The following EFNA5 variants were observed in gnomAD, a reference collection of about 807,000 sequenced individuals.
EFNA5 encodes the protein ephrin A5, also known as ephrin-A5.
In EFNA5, 5 loss-of-function variants were observed where a neutral mutation model predicts 22.9. The ratio of observed to expected loss-of-function variants is 0.22; its 90% CI spans 0.11 to 0.46. The LOEUF is 0.46. Ranked by LOEUF, EFNA5 falls within the 20% of genes least tolerant of loss-of-function variation. The pLI is 0.99. For synonymous variants in EFNA5, 113 were observed against 112.2 expected, an observed-to-expected ratio of 1.01 and a Z score of -0.04; for missense variants, 237 against 293.3, an observed-to-expected ratio of 0.81 and a Z score of 1.40.
intron 4 of EFNA5, among the ~76,000 whole-genome samples, chr5:107,383,795 A>T (rs1747533771): frequency 6.6e-6 from 1 of 152,244 alleles, no homozygotes; most frequent in South Asian, 2.1e-4. Flanking sequence ...AGCACAAGAC[A>T]CAAGGAATAG....
intron 2 of EFNA5, among the ~76,000 whole-genome samples, chr5:107,396,098 T>C (rs531245476): frequency 6.6e-6 from 1 of 152,346 alleles, no homozygotes; most frequent in Admixed American, 6.5e-5. Context: ...TAATAAATCA[T>C]CAAGTTAATA....
chr5:107,665,122 A>C (rs1751039726), intron 1 of EFNA5, among the ~76,000 whole-genome samples: 1 of 152,100 alleles, frequency 6.6e-6, no homozygotes, highest in African/African-American at 2.4e-5. Flanking sequence ...CTCAAAGGTA[A>C]ATTTTCTGGC....
chr5:107,405,887 A>G (rs1299512397), intron 2 of EFNA5, among the ~76,000 whole-genome samples: 2 of 148,886 alleles, frequency 1.3e-5, no homozygotes, highest in South Asian at 2.2e-4. Context: ...ATTTGTATAC[A>G]TATTCTATGT....
At position 107,387,191 on chromosome 5, in the gene EFNA5, G is replaced by T. The variant is rs201440682; in HGVS notation, c.565+44C>A. The T allele has an allele frequency of 5.7e-4, 783 of 1,368,464 alleles. 3 individuals are homozygous for T. The highest frequency in any genetic ancestry group is 2.5e-3 in the Admixed American group (129 of 52,494). 84.8% of individuals were successfully genotyped at this position (1,368,464 alleles called of 1,614,324 possible). A position where few individuals can be genotyped will look rare whatever the true frequency, so the allele number is the denominator to read the frequency against. The stretch of plus-strand genomic sequence containing the variant: ...AGGAAAAAAATACGGAAGCACCAGA[G>T]AAATAGATGCATTTGTTAAAAGAGA... On this transcript the variant is annotated intron_variant, in intron 4 of 4. Transcript: ENST00000333274.
intron 1 of EFNA5, among the ~76,000 whole-genome samples, chr5:107,544,842 T>G (rs1487673213): frequency 6.6e-6 from 1 of 152,188 alleles, no homozygotes; most frequent in Non-Finnish European, 1.5e-5. Context: ...GCTATTTAAA[T>G]ATAAGCTGAA....
At chr5:107,401,215 T>A (rs1381037862) in intron 2 of EFNA5, among the ~76,000 whole-genome samples, 1 of 152,224 alleles carries the variant, frequency 6.6e-6, no homozygotes, top group African/African-American at 2.4e-5. Context: ...TAAGGAATCA[T>A]TTATATTTCT....
At chr5:107,518,028 C>T (rs1368900253) in intron 1 of EFNA5, among the ~76,000 whole-genome samples, 1 of 152,086 alleles carries the variant, frequency 6.6e-6, no homozygotes, top group Admixed American at 6.6e-5. Flanking sequence ...TTAATGAAGG[C>T]ACTGTAAACA....
intron 4 of EFNA5, among the ~76,000 whole-genome samples, chr5:107,383,879 G>A (rs563122870): frequency 6.6e-6 from 1 of 152,202 alleles, no homozygotes; most frequent in East Asian, 1.9e-4. Flanking sequence ...GTGACTTTCA[G>A]TCCTTTAACC....
At chr5:107,666,710 G>T (rs1359143517) in intron 1 of EFNA5, among the ~76,000 whole-genome samples, 1 of 152,064 alleles carries the variant, frequency 6.6e-6, no homozygotes, top group African/African-American at 2.4e-5. Flanking sequence ...TTTGACTATT[G>T]CATCAATAAT....
intron 1 of EFNA5, among the ~76,000 whole-genome samples, chr5:107,534,036 C>T (rs771327813): frequency 1.5e-4 from 23 of 152,200 alleles, no homozygotes; most frequent in Non-Finnish European, 3.2e-4. Context: ...GAGGCAGGAT[C>T]TCCCCAGCAC....
intron 2 of EFNA5, among the ~76,000 whole-genome samples, chr5:107,416,013 C>T (rs1210424192): frequency 2.0e-5 from 3 of 152,156 alleles, no homozygotes; most frequent in Admixed American, 6.5e-5. Flanking sequence ...AAAAATGACT[C>T]AGGGCACTGA....
chr5:107,571,093 T>C (rs1204650498), intron 1 of EFNA5, among the ~76,000 whole-genome samples: 1 of 152,088 alleles, frequency 6.6e-6, no homozygotes, highest in Admixed American at 6.5e-5. Context: ...TGAGAACTAA[T>C]CCAAGAATGG....
At chr5:107,514,243 G>C (rs1229670242) in intron 1 of EFNA5, among the ~76,000 whole-genome samples, 1 of 152,120 alleles carries the variant, frequency 6.6e-6, no homozygotes, top group Non-Finnish European at 1.5e-5. Flanking sequence ...CTCCTCATCA[G>C]GTAGAGGTTT....
At chr5:107,591,490 T>C (rs1749323028) in intron 1 of EFNA5, among the ~76,000 whole-genome samples, 1 of 151,924 alleles carries the variant, frequency 6.6e-6, no homozygotes, top group African/African-American at 2.4e-5. Flanking sequence ...GATCCCCTCA[T>C]ATAGATGAAG....
chr5:107,406,104 T>C (rs571758604), intron 2 of EFNA5, among the ~76,000 whole-genome samples: 32 of 139,506 alleles, frequency 2.3e-4, no homozygotes, highest in Admixed American at 4.3e-4. Flanking sequence ...TTTGTATACA[T>C]ATTCTATGTA....
rs1277741836 is a variant in EFNA5 at position 107,664,451 on chromosome 5, A to C, written c.125+6038T>G. Among the ~76,000 whole-genome samples, 5 of 152,308 alleles carry C rather than the reference A, an allele frequency of 3.3e-5. No individual in the cohort carries two copies. The East Asian group carries it at 9.6e-4, about 29-fold the overall frequency. On this transcript the variant is annotated intron_variant, in intron 1 of 4. Transcript: ENST00000333274. ...CTGGAAGTTCACATTAATCACAAGAAACTTTTCTACAAAACAGCTCAGGAC... is the reference window on the plus strand; with the variant it reads ...CTGGAAGTTCACATTAATCACAAGACACTTTTCTACAAAACAGCTCAGGAC...
At chr5:107,563,432 A>G (rs959703724) in intron 1 of EFNA5, among the ~76,000 whole-genome samples, 1 of 151,776 alleles carries the variant, frequency 6.6e-6, no homozygotes. Flanking sequence ...AAAAGTTATT[A>G]TTATTATTAT....
rs1241416382 is a variant in EFNA5, at chr5:107,549,585, G to A, written c.125+120904C>T. Among the ~76,000 whole-genome samples the A allele has an allele frequency of 4.6e-5, 7 of 152,166 alleles. No individual in the cohort carries two copies. The East Asian group carries it at 9.6e-4, about 21-fold the overall frequency. On this transcript the variant is annotated intron_variant, in intron 1 of 4. Coordinates refer to ENST00000333274, the MANE Select transcript of EFNA5 (RefSeq NM_001962.3). ...ATCGAATTGTGTGCTCATCCATACC[G>A]AGCACCCACATCTTTCTCTATCTCA...
chr5:107,647,696 G>T (rs979518118), intron 1 of EFNA5, among the ~76,000 whole-genome samples: 2 of 152,106 alleles, frequency 1.3e-5, no homozygotes, highest in Non-Finnish European at 2.9e-5. Context: ...TTTACTGTCG[G>T]TAATGGCTGC....
Sources: allele counts gnomAD v4.1 joint callset (sites outside exome capture counted in the v4.1 genomes callset), GRCh38; gene constraint gnomAD v4.1.1; transcripts MANE v1.5; gene names NCBI Gene and HGNC (gene_info 2026-07-23, HGNC 2026-07-21).